Variants in IPO11 observed in about 807,000 individuals in gnomAD.
IPO11 encodes importin-11.
A neutral mutation model predicts 143.2 loss-of-function variants in IPO11; 66 were observed. The ratio of observed to expected loss-of-function variants is 0.46; its 90% CI spans 0.38 to 0.57. The LOEUF is 0.57. Among genes scored for constraint, IPO11 ranks in the 20% least tolerant of loss-of-function variants. IPO11 has a pLI of 0.00. For synonymous variants in IPO11, 385 were observed against 377.8 expected (o/e 1.02, Z -0.22); for missense variants, 1,026 against 1,141.0 (o/e 0.90, Z 1.45).
intron 1 of IPO11, among the ~76,000 whole-genome samples, chr5:62,417,798 A>G (rs1230078988): frequency 6.6e-6 from 1 of 152,212 alleles, no homozygotes; most frequent in Non-Finnish European, 1.5e-5. Context: ...GTCTTAAAAT[A>G]CTTGACATTC....
rs189666579 is a variant in IPO11 at position 62,603,164 on chromosome 5, G to A, written c.2763+1316G>A. ...TATTTCTGGTCACAAAAACATCACC[G>A]AACTTCTTAATAAAGATCCAAAACA... On this transcript the variant is annotated intron_variant, in intron 29 of 29. Transcript: ENST00000325324. 3.8e-3 allele frequency among the ~76,000 whole-genome samples: 577 copies of A among 152,224 alleles called. 6 individuals are homozygous for A. The highest frequency in any genetic ancestry group is 5.9e-3 in the Admixed American group (90 of 15,290).
At chr5:62,521,432 C>T (rs973490038) in intron 20 of IPO11, among the ~76,000 whole-genome samples, 2 of 151,996 alleles carry the variant, frequency 1.3e-5, no homozygotes, top group Admixed American at 6.6e-5. Flanking sequence ...TCTGGGGACC[C>T]TGGAGCCATT....
chr5:62,435,090 A>ATG (rs796144428), intron 1 of IPO11, among the ~76,000 whole-genome samples: 2,776 of 81,596 alleles, frequency 0.034, 128 homozygotes, highest in African/African-American at 0.054. Context: ...ATGTGTATAT[A>ATG]TGTATATATG....
intron 1 of IPO11, among the ~76,000 whole-genome samples, chr5:62,414,881 T>C (rs1181796183): frequency 6.6e-6 from 1 of 152,218 alleles, no homozygotes; most frequent in Non-Finnish European, 1.5e-5. Flanking sequence ...GGTGATCTTA[T>C]GCTGATTATC....
chr5:62,543,518 G>T (rs1278549386), intron 24 of IPO11, among the ~76,000 whole-genome samples: 1 of 152,168 alleles, frequency 6.6e-6, no homozygotes, highest in African/African-American at 2.4e-5. Context: ...GTTTCTGTGC[G>T]ATCGGTAGTG....
At chr5:62,573,300 G>A (rs2112388366) in intron 27 of IPO11, among the ~76,000 whole-genome samples, 1 of 152,312 alleles carries the variant, frequency 6.6e-6, no homozygotes. Context: ...AATACTTGAA[G>A]AATGTTGAGA....
chr5:62,422,659 G>T (rs1328619245), intron 1 of IPO11: 1 of 152,088 alleles, frequency 6.6e-6, no homozygotes, highest in Non-Finnish European at 1.5e-5. Flanking sequence ...TACCAAACAG[G>T]CAAGAGACTT....
intron 24 of IPO11, among the ~76,000 whole-genome samples, chr5:62,547,224 ATTG>A (rs917448400): frequency 2.0e-5 from 3 of 152,116 alleles, no homozygotes; most frequent in African/African-American, 4.8e-5. Flanking sequence ...TAATATTGGT[ATTG>A]TTATTTTGAA....
At chr5:62,584,241 G>A (rs1331808560) in intron 27 of IPO11, among the ~76,000 whole-genome samples, 3 of 152,040 alleles carry the variant, frequency 2.0e-5, no homozygotes, top group South Asian at 2.1e-4. Context: ...GATACGTTTG[G>A]TGTCAAGCTA....
At chr5:62,616,719 CAAAAAAAAAAAA>C (rs538760503) in intron 29 of IPO11, among the ~76,000 whole-genome samples, 1 of 84,428 alleles carries the variant, frequency 1.2e-5, no homozygotes, top group Admixed American at 1.3e-4. Context: ...GACTCTGACT[CAAAAAAAAAAAA>C]AAAAAAAAAA....
chr5:62,470,153 C>G, intron 6 of IPO11, 97 bp from the exon 7 acceptor site: 1 of 1,189,908 alleles, frequency 8.4e-7, no homozygotes. Flanking sequence ...GATTAACCTC[C>G]AAGCTTGATT....
At chr5:62,562,947 T>G (rs1743821344) in intron 27 of IPO11, among the ~76,000 whole-genome samples, 1 of 152,192 alleles carries the variant, frequency 6.6e-6, no homozygotes, top group South Asian at 2.1e-4. Flanking sequence ...GAGCAAACAA[T>G]TACTTAAAAA....
At chr5:62,507,219 G>A (rs565509799) in intron 19 of IPO11, among the ~76,000 whole-genome samples, 2 of 152,278 alleles carry the variant, frequency 1.3e-5, no homozygotes, top group East Asian at 1.9e-4. Flanking sequence ...CAAAGTTCAC[G>A]TATTTTAATG....
intron 29 of IPO11, among the ~76,000 whole-genome samples, chr5:62,604,890 CAAAG>C (rs942400057): frequency 6.6e-6 from 1 of 152,102 alleles, no homozygotes; most frequent in African/African-American, 2.4e-5. Flanking sequence ...CAACTTTAAA[CAAAG>C]AAAATTTGTT....
At chr5:62,613,188 A>AT (rs201960025) in intron 29 of IPO11, among the ~76,000 whole-genome samples, 1 of 150,328 alleles carries the variant, frequency 6.7e-6, no homozygotes, top group Non-Finnish European at 1.5e-5. Flanking sequence ...TCTCTCACAC[A>AT]TTTTTTTACT....
intron 27 of IPO11, among the ~76,000 whole-genome samples, chr5:62,570,209 C>T (rs1236475562): frequency 6.6e-6 from 1 of 152,038 alleles, no homozygotes; most frequent in Non-Finnish European, 1.5e-5. Context: ...ATGATTAATT[C>T]CTTGGCTTAC....
chr5:62,444,791 CCTGGGAGG>C (rs1744656795), intron 3 of IPO11, among the ~76,000 whole-genome samples: 1 of 151,882 alleles, frequency 6.6e-6, no homozygotes, highest in Non-Finnish European at 1.5e-5. Context: ...ATCACTTGAA[CCTGGGAGG>C]TAGAGGTTGC....
chr5:62,563,034 A>C (rs1351628769), intron 27 of IPO11, among the ~76,000 whole-genome samples: 1 of 152,228 alleles, frequency 6.6e-6, no homozygotes, highest in East Asian at 1.9e-4. Flanking sequence ...GCTGCTTAAC[A>C]CTAGGAATGC....
At chr5:62,591,233 A>C (rs1248072225) in intron 27 of IPO11, among the ~76,000 whole-genome samples, 2 of 152,052 alleles carry the variant, frequency 1.3e-5, no homozygotes, top group African/African-American at 4.8e-5. Context: ...TTTTCTTCAC[A>C]GTGTCATTAG....
Sources: allele counts gnomAD v4.1 joint callset (sites outside exome capture counted in the v4.1 genomes callset), GRCh38; gene constraint gnomAD v4.1.1; transcripts MANE v1.5; gene names NCBI Gene and HGNC (gene_info 2026-07-23, HGNC 2026-07-21).